ZEB1: variants seen among roughly 807,000 people sequenced by gnomAD.
ZEB1 encodes the protein zinc finger E-box-binding homeobox 1.
A neutral mutation model predicts 84.9 loss-of-function variants in ZEB1; 21 were observed. The observed-to-expected ratio is 0.25, with a 90% confidence interval of 0.18 to 0.36. The LOEUF is 0.36. Among genes scored for constraint, ZEB1 ranks in the 10% least tolerant of loss-of-function variants. The pLI is 1.00. For missense variants in ZEB1, 1,104 were observed against 1,330.2 expected (o/e 0.83, Z 2.65); for synonymous variants, 420 against 471.1 (o/e 0.89, Z 1.41).
In ZEB1 at chr10:31,504,699, T is replaced by A. The variant is rs138135273; in HGVS notation, c.484+2190T>A. 5.7e-3 allele frequency among the ~76,000 whole-genome samples: 862 copies of A among 152,192 alleles called. 3 individuals are homozygous for A. Among genetic ancestry groups the A allele is most frequent in the Non-Finnish European group, 9.4e-3 (641 of 67,944 alleles). On this transcript the variant is annotated intron_variant, in intron 4 of 8. Coordinates refer to ENST00000424869, the MANE Select transcript of ZEB1 (RefSeq NM_001174096.2). ...TTGGGTAAATTTATCCCTAGGTATT[T>A]TACTTTTTTGTAGCTACTATAAATG...
intron 2 of ZEB1, among the ~76,000 whole-genome samples, chr10:31,469,967 C>G (rs949011877): frequency 6.6e-6 from 1 of 152,154 alleles, no homozygotes; most frequent in African/African-American, 2.4e-5. Flanking sequence ...ACACCTCACA[C>G]GGCAGGGTAC....
intron 3 of ZEB1, among the ~76,000 whole-genome samples, chr10:31,497,008 A>G (rs567430986): frequency 2.0e-5 from 3 of 152,274 alleles, no homozygotes; most frequent in African/African-American, 7.2e-5. Flanking sequence ...ATAGCCTGCG[A>G]TTTTATGTTT....
chr10:31,408,721 T>C (rs1196802374), intron 1 of ZEB1, among the ~76,000 whole-genome samples: 1 of 145,348 alleles, frequency 6.9e-6, no homozygotes, highest in African/African-American at 2.7e-5. Context: ...GATCCCTTCC[T>C]TACACCTTAT....
At position 31,504,863 on chromosome 10, in the gene ZEB1, T is replaced by A. The variant is rs142137106; in HGVS notation, c.484+2354T>A. On this transcript the variant is annotated intron_variant, in intron 4 of 8. Coordinates refer to ENST00000424869, the MANE Select transcript of ZEB1 (RefSeq NM_001174096.2). ...AGTTTTTTGGTTGTGTCTTTAGGTT[T>A]TTCTAGATATTAGATCATATAGTCT... Among the ~76,000 whole-genome samples, 852 of 152,218 alleles carry A rather than the reference T, an allele frequency of 5.6e-3. 14 individuals are homozygous for A. Among genetic ancestry groups the A allele is most frequent in the African/African-American group, 0.02 (818 of 41,574 alleles).
At chr10:31,422,337 T>A (rs565979277) in intron 1 of ZEB1, among the ~76,000 whole-genome samples, 20 of 152,276 alleles carry the variant, frequency 1.3e-4, no homozygotes, top group Non-Finnish European at 2.9e-4. Flanking sequence ...GTTACCTTAG[T>A]TTTGATGTGT....
intron 1 of ZEB1, among the ~76,000 whole-genome samples, chr10:31,381,249 A>G (rs1379009380): frequency 6.6e-6 from 1 of 152,226 alleles, no homozygotes; most frequent in Non-Finnish European, 1.5e-5. Flanking sequence ...AAAAATCTAC[A>G]GCAATCAGCT....
chr10:31,418,205 G>C (rs2055543221), intron 1 of ZEB1, among the ~76,000 whole-genome samples: 1 of 151,896 alleles, frequency 6.6e-6, no homozygotes, highest in South Asian at 2.1e-4. Context: ...ATGTAGGAAT[G>C]CCAGCGCCAC....
intron 1 of ZEB1, among the ~76,000 whole-genome samples, chr10:31,419,930 T>G (rs557572676): frequency 1.3e-5 from 2 of 152,250 alleles, no homozygotes; most frequent in East Asian, 3.9e-4. Flanking sequence ...ACCTCCGAAG[T>G]AGTATGTCTG....
upstream of ZEB1, chr10:31,319,203 G>T: frequency 6.3e-7 from 1 of 1,581,434 alleles, no homozygotes; most frequent in Non-Finnish European, 8.6e-7. Flanking sequence ...GGGAGGAGGT[G>T]ACTCGAGCAT....
intron 2 of ZEB1, among the ~76,000 whole-genome samples, chr10:31,492,823 C>T (rs1320750450): frequency 1.3e-5 from 2 of 151,824 alleles, no homozygotes; most frequent in African/African-American, 4.8e-5. Flanking sequence ...ATTTTCCATC[C>T]TTGTTTTTAT....
At chr10:31,447,816 C>T (rs2136902393) in intron 1 of ZEB1, among the ~76,000 whole-genome samples, 2 of 152,254 alleles carry the variant, frequency 1.3e-5, no homozygotes, top group South Asian at 4.1e-4. Flanking sequence ...TTGAGGGTAA[C>T]CCGACCTTTC....
At chr10:31,485,918 C>T (rs898351443) in intron 2 of ZEB1, among the ~76,000 whole-genome samples, 3 of 151,750 alleles carry the variant, frequency 2.0e-5, no homozygotes, top group African/African-American at 2.4e-5. Context: ...TCCTGGCAAC[C>T]GTGATCTTTT....
At chr10:31,494,149 A>G (rs1370253215) in intron 2 of ZEB1, among the ~76,000 whole-genome samples, 5 of 151,972 alleles carry the variant, frequency 3.3e-5, no homozygotes, top group Non-Finnish European at 7.4e-5. Flanking sequence ...CATACTGTTT[A>G]TTATTTTAGT....
At chr10:31,349,731 T>C (rs2040978944) in intron 1 of ZEB1, among the ~76,000 whole-genome samples, 2 of 152,226 alleles carry the variant, frequency 1.3e-5, no homozygotes, top group South Asian at 4.1e-4. Context: ...TTATGAAATG[T>C]CTGCACCCTT....
chr10:31,448,722 C>T (rs1244662343), intron 1 of ZEB1, among the ~76,000 whole-genome samples: 1 of 152,150 alleles, frequency 6.6e-6, no homozygotes, highest in Non-Finnish European at 1.5e-5. Flanking sequence ...AGTTAGGCTG[C>T]TAAGGGGTCA....
At chr10:31,363,090 G>T (rs1451244704) in intron 1 of ZEB1, 1 of 1,533,892 alleles carries the variant, frequency 6.5e-7, no homozygotes. Context: ...TGTGGGACCT[G>T]TGGCCGGCAG....
At position 31,389,364 on chromosome 10, in the gene ZEB1, G is replaced by A. The variant is rs1396802241; in HGVS notation, c.58+70072G>A. On this transcript the variant is annotated intron_variant, in intron 1 of 8. Transcript: ENST00000424869. ...TGTACATATACACATACCTATATTA[G>A]TGTTTATTTCTTTTTTCTAATCATG... Among the ~76,000 whole-genome samples, 3 of 152,080 alleles carry A rather than the reference G, an allele frequency of 2.0e-5. No homozygotes were observed. In the East Asian group the frequency reaches 5.8e-4, roughly 29 times the overall value.
chr10:31,466,092 A>T (rs758452976), intron 2 of ZEB1, among the ~76,000 whole-genome samples: 2 of 152,236 alleles, frequency 1.3e-5, no homozygotes, highest in Admixed American at 1.3e-4. Flanking sequence ...AATTCTAAAT[A>T]TATTTGCCAC....
chr10:31,515,731 C>T (rs563839869), intron 6 of ZEB1, among the ~76,000 whole-genome samples: 12 of 152,144 alleles, frequency 7.9e-5, no homozygotes, highest in Middle Eastern at 6.8e-3. Flanking sequence ...AACCAAGATC[C>T]TTACCAAAAC....
Sources: gnomAD v4.1 joint callset for allele counts (sites outside exome capture counted in the v4.1 genomes callset) on GRCh38, gnomAD v4.1.1 for gene constraint, MANE v1.5 for transcripts, NCBI Gene and HGNC (gene_info 2026-07-23, HGNC 2026-07-21) for gene names.